UNC5C: variants seen among roughly 807,000 people sequenced by gnomAD.
UNC5C encodes netrin receptor UNC5C.
UNC5C carries 47 observed loss-of-function variants against 99.8 expected under a neutral mutation model. The ratio of observed to expected loss-of-function variants is 0.47; its 90% CI spans 0.37 to 0.60. The LOEUF (loss-of-function observed/expected upper bound fraction) is 0.60, where lower values mean the gene tolerates loss of function less well. UNC5C is among the 20% of genes least tolerant of loss of function. UNC5C has a pLI of 0.00. For synonymous variants in UNC5C, 487 were observed against 452.2 expected (o/e 1.08, Z -0.98); for missense variants, 1,062 against 1,165.9 (o/e 0.91, Z 1.30).
chr4:95,181,706 T>C (rs1412968209), intron 14 of UNC5C, among the ~76,000 whole-genome samples: 3 of 152,086 alleles, frequency 2.0e-5, no homozygotes, highest in Non-Finnish European at 4.4e-5. Context: ...TAAAGTTGTT[T>C]ATGAGTCAAA....
At chr4:95,276,496 C>T (rs1444148195) in intron 4 of UNC5C, among the ~76,000 whole-genome samples, 6 of 151,960 alleles carry the variant, frequency 3.9e-5, no homozygotes, top group African/African-American at 1.4e-4. Flanking sequence ...CTAAGATCTC[C>T]CCCCACCTAA....
In UNC5C at chr4:95,242,584, C is replaced by T; in HGVS notation, c.953G>A (p.Arg318Lys). 6.4e-7 allele frequency: 1 copy of T among 1,571,058 alleles called. No individual in the cohort carries two copies. Among genetic ancestry groups the T allele is most frequent in the Non-Finnish European group, 8.6e-7 (1 of 1,156,170 alleles). Residue 318 changes from arginine (R) to lysine (K), a missense_variant, in exon 7 of 16, where the codon AGG (arginine) becomes AAG (lysine). Arg to Lys is a conservative substitution (Grantham distance 26). Coordinates refer to ENST00000453304, the MANE Select transcript of UNC5C (RefSeq NM_003728.4). ...ACTTLCPVDGRWTPWSKWSTC... is the reference protein window; with the variant it reads ...ACTTLCPVDGKWTPWSKWSTC... ...AGACCACTTGCTCCATGGCGTCCAC[C>T]TGCCATCCACTGCCATGGAAAAAAT...
chr4:95,432,867 G>A (rs1746670823), intron 1 of UNC5C, among the ~76,000 whole-genome samples: 1 of 152,078 alleles, frequency 6.6e-6, no homozygotes, highest in South Asian at 2.1e-4. Flanking sequence ...AAGGAAAAGA[G>A]CAATCTGCTC....
chr4:95,286,510 C>T lies in UNC5C; in HGVS notation c.491-8148G>A, dbSNP rs557395543. On this transcript the variant is annotated intron_variant, in intron 3 of 15. Coordinates refer to ENST00000453304, the MANE Select transcript of UNC5C (RefSeq NM_003728.4). ...TGCTTCTGCACGGTGGCTCTAAATG[C>T]CTGCTTTACTGGGTCCGTGTTGGTG... Among the ~76,000 whole-genome samples the T allele has an allele frequency of 3.3e-5, 5 of 152,256 alleles. No homozygotes were observed. In the East Asian group the frequency reaches 5.8e-4, roughly 18 times the overall value.
chr4:95,361,151 A>T (rs936144213), intron 1 of UNC5C, among the ~76,000 whole-genome samples: 3 of 152,200 alleles, frequency 2.0e-5, no homozygotes, highest in African/African-American at 7.2e-5. Flanking sequence ...TTTCGGAAAC[A>T]ATATAAATTC....
At chr4:95,211,035 G>A (rs191255630) in intron 10 of UNC5C, among the ~76,000 whole-genome samples, 4 of 152,282 alleles carry the variant, frequency 2.6e-5, no homozygotes, top group South Asian at 2.1e-4. Context: ...TCTTTCACAC[G>A]ATGCTGTATT....
At chr4:95,173,659 AT>A (rs1163664577) in intron 14 of UNC5C, among the ~76,000 whole-genome samples, 5 of 149,472 alleles carry the variant, frequency 3.3e-5, no homozygotes, top group African/African-American at 2.5e-5. Context: ...TTTATTGAGG[AT>A]TTTTGCATCA....
At chr4:95,312,896 A>G (rs1351946324) in intron 2 of UNC5C, among the ~76,000 whole-genome samples, 1 of 151,968 alleles carries the variant, frequency 6.6e-6, no homozygotes, top group Non-Finnish European at 1.5e-5. Context: ...AGCCACAGAA[A>G]CTCACCTCAT....
At chr4:95,334,088 C>A (rs138331556) in intron 2 of UNC5C, among the ~76,000 whole-genome samples, 76 of 152,098 alleles carry the variant, frequency 5.0e-4, no homozygotes, top group African/African-American at 1.7e-3. Flanking sequence ...TGTAGAGTTG[C>A]CACCTGATTT....
chr4:95,210,723 A>C (rs555483897), intron 10 of UNC5C, among the ~76,000 whole-genome samples: 5 of 152,248 alleles, frequency 3.3e-5, no homozygotes, highest in African/African-American at 4.8e-5. Flanking sequence ...ATAATATTCC[A>C]GTAAATGCTG....
intron 1 of UNC5C, among the ~76,000 whole-genome samples, chr4:95,406,834 G>A (rs953285665): frequency 1.3e-5 from 2 of 152,098 alleles, no homozygotes; most frequent in Non-Finnish European, 2.9e-5. Context: ...TTTTTCAAAA[G>A]CTAGTTCACT....
intron 1 of UNC5C, among the ~76,000 whole-genome samples, chr4:95,339,959 A>C (rs144753049): frequency 6.6e-6 from 1 of 152,156 alleles, no homozygotes; most frequent in African/African-American, 2.4e-5. Context: ...ACTTTCTACT[A>C]TTACTCAATA....
chr4:95,486,397 C>A (rs1387262936), intron 1 of UNC5C, among the ~76,000 whole-genome samples: 1 of 99,772 alleles, frequency 1.0e-5, no homozygotes, highest in Non-Finnish European at 2.7e-5. Context: ...TCTTTGACTC[C>A]AAATCATTGC....
At chr4:95,188,031 A>G (rs1219470039) in intron 12 of UNC5C, among the ~76,000 whole-genome samples, 1 of 152,258 alleles carries the variant, frequency 6.6e-6, no homozygotes, top group Non-Finnish European at 1.5e-5. Context: ...ATGTTAATAT[A>G]TTGCATTATA....
intron 1 of UNC5C, among the ~76,000 whole-genome samples, chr4:95,371,925 T>G (rs1166387327): frequency 1.3e-5 from 2 of 152,230 alleles, no homozygotes; most frequent in African/African-American, 4.8e-5. Flanking sequence ...AGTATAGATT[T>G]TCAAGCTATG....
chr4:95,300,469 G>A (rs1741826734), intron 3 of UNC5C, among the ~76,000 whole-genome samples: 1 of 152,196 alleles, frequency 6.6e-6, no homozygotes, highest in Non-Finnish European at 1.5e-5. Context: ...AAACAGTGCT[G>A]TGTGTGGTCC....
At chr4:95,257,553 T>A (rs1414449771) in intron 4 of UNC5C, among the ~76,000 whole-genome samples, 1 of 152,194 alleles carries the variant, frequency 6.6e-6, no homozygotes, top group African/African-American at 2.4e-5. Context: ...GCACTCATCT[T>A]CCATTTCTGG....
In UNC5C at chr4:95,188,833, CAAGT is replaced by C. The variant is rs1290066075; in HGVS notation, c.2137-3641_2137-3638del. 3.3e-5 allele frequency among the ~76,000 whole-genome samples: 5 copies of C among 152,238 alleles called. No individual in the cohort carries two copies. The South Asian group carries it at 6.2e-4, about 19-fold the overall frequency. ...CCATGTCAGGTCTGGAGCACACAGA[CAAGT>C]AAGTCCCTGTCACTGCTTTAAACTG... On this transcript the variant is annotated intron_variant, in intron 12 of 15. Transcript: ENST00000453304.
intron 1 of UNC5C, among the ~76,000 whole-genome samples, chr4:95,361,629 T>A (rs1025877298): frequency 6.6e-6 from 1 of 152,044 alleles, no homozygotes. Flanking sequence ...TCACCAAAAC[T>A]AGAACCACAT....
Sources: allele counts gnomAD v4.1 joint callset (sites outside exome capture counted in the v4.1 genomes callset), GRCh38; gene constraint gnomAD v4.1.1; transcripts MANE v1.5; gene names NCBI Gene and HGNC (gene_info 2026-07-23, HGNC 2026-07-21).